MYCBP2: variants seen among roughly 807,000 people sequenced by gnomAD.
The protein encoded by MYCBP2 is MYC binding protein 2.
MYCBP2 carries 120 observed loss-of-function variants against 525.3 expected under a neutral mutation model. The ratio of observed to expected loss-of-function variants is 0.23; its 90% CI spans 0.20 to 0.27. MYCBP2 has a LOEUF of 0.27. Among genes scored for constraint, MYCBP2 ranks in the 10% least tolerant of loss-of-function variants. The pLI is 1.00. For synonymous variants in MYCBP2, 1,894 were observed against 1,955.8 expected (o/e 0.97, Z 0.83); for missense variants, 4,149 against 5,657.1 (o/e 0.73, Z 8.55).
chr13:77,266,704 T>A, intron 8 of MYCBP2, among the ~76,000 whole-genome samples: 2 of 148,030 alleles, frequency 1.4e-5, no homozygotes, highest in Admixed American at 1.3e-4. Context: ...GTCATTATTA[T>A]TATTATTATT....
chr13:77,294,107 T>TATATATATAC (rs1555465498), intron 2 of MYCBP2, among the ~76,000 whole-genome samples: 1,112 of 43,836 alleles, frequency 0.025, 37 homozygotes, highest in African/African-American at 0.052. Flanking sequence ...ATAATGGCTA[T>TATATATATAC]ATATATATAT....
intron 29 of MYCBP2, among the ~76,000 whole-genome samples, chr13:77,189,472 C>T (rs1436905798): frequency 6.6e-6 from 1 of 151,996 alleles, no homozygotes; most frequent in Non-Finnish European, 1.5e-5. Flanking sequence ...TGCATAAAAA[C>T]CAAACAAACG....
intron 52 of MYCBP2, among the ~76,000 whole-genome samples, chr13:77,135,840 T>G (rs532876613): frequency 6.6e-6 from 1 of 152,010 alleles, no homozygotes; most frequent in African/African-American, 2.4e-5. Context: ...TATCTTTTTT[T>G]TCTTTTTTTT....
chr13:77,311,666 G>A (rs1344748852), intron 1 of MYCBP2, among the ~76,000 whole-genome samples: 1 of 149,258 alleles, frequency 6.7e-6, no homozygotes, highest in Non-Finnish European at 1.5e-5. Context: ...ATAAGAAAAT[G>A]GAGATGGGAG....
chr13:77,123,647 G>A (rs1594744631), intron 54 of MYCBP2, among the ~76,000 whole-genome samples: 2 of 152,298 alleles, frequency 1.3e-5, no homozygotes, highest in East Asian at 3.9e-4. Flanking sequence ...AAGGTCACAT[G>A]AGTAAAAAGT....
At chr13:77,167,202 T>C (rs975206015) in intron 40 of MYCBP2, among the ~76,000 whole-genome samples, 1 of 152,120 alleles carries the variant, frequency 6.6e-6, no homozygotes, top group African/African-American at 2.4e-5. Context: ...TAAATCTATC[T>C]GTACATAAAC....
intron 55 of MYCBP2, among the ~76,000 whole-genome samples, chr13:77,102,513 A>T (rs184575601): frequency 2.3e-4 from 35 of 151,688 alleles, no homozygotes; most frequent in Admixed American, 1.9e-3. Context: ...TAATTAAATA[A>T]TACTTTAAGA....
intron 82 of MYCBP2, among the ~76,000 whole-genome samples, chr13:77,047,153 G>A (rs2035737960): frequency 6.6e-6 from 1 of 152,190 alleles, no homozygotes; most frequent in Non-Finnish European, 1.5e-5. Context: ...ATGGTGGTGA[G>A]AAATAAAAAT....
Position 77,156,190 on chromosome 13 carries a change from T to C in MYCBP2, c.6783A>G (p.Pro2261=). ...SGGRLARWLQ[P]DSYADPQKTS... ...TTTTCTGAGGATCCGCATATGAATC[T>C]GGCTGAAGCCACCTAACAGTAATGA... The change falls in exon 46 of 83, where the codon CCA becomes CCG. Residue 2261 remains proline, a synonymous_variant. Coordinates refer to ENST00000544440, the MANE Select transcript of MYCBP2 (RefSeq NM_015057.5). 4 of 1,613,582 alleles carry C rather than the reference T, an allele frequency of 2.5e-6. No individual in the cohort carries two copies. Among genetic ancestry groups the C allele is most frequent in the Non-Finnish European group, 3.4e-6 (4 of 1,179,664 alleles).
At chr13:77,197,356 T>C (rs2061860998) in intron 26 of MYCBP2, among the ~76,000 whole-genome samples, 1 of 152,052 alleles carries the variant, frequency 6.6e-6, no homozygotes, top group African/African-American at 2.4e-5. Flanking sequence ...GAAAGAGATA[T>C]AGGAGGCCTA....
chr13:77,112,284 T>TTATATTATATATATATAAAATA (rs1475900203), intron 55 of MYCBP2, among the ~76,000 whole-genome samples: 3 of 147,018 alleles, frequency 2.0e-5, no homozygotes, highest in Non-Finnish European at 4.5e-5. Context: ...CCCCTCTTCT[T>TTATATTATATATATATAAAATA]TATATTATAT....
intron 77 of MYCBP2, among the ~76,000 whole-genome samples, chr13:77,059,199 T>C (rs1332233579): frequency 1.3e-5 from 2 of 152,058 alleles, no homozygotes. Flanking sequence ...ATGTTGAAAA[T>C]GTATTTTAAG....
At chr13:77,079,671 G>C (rs1179300969) in intron 65 of MYCBP2, among the ~76,000 whole-genome samples, 1 of 152,166 alleles carries the variant, frequency 6.6e-6, no homozygotes, top group Non-Finnish European at 1.5e-5. Flanking sequence ...TTTGGGACTA[G>C]AAGTGTTTTG....
At chr13:77,270,868 T>C (rs2074780190) in intron 5 of MYCBP2, among the ~76,000 whole-genome samples, 1 of 152,044 alleles carries the variant, frequency 6.6e-6, no homozygotes, top group African/African-American at 2.4e-5. Flanking sequence ...GATCCATGTT[T>C]CTTATTTTAT....
chr13:77,312,999 C>A (rs1484236797), intron 1 of MYCBP2, among the ~76,000 whole-genome samples: 2 of 151,830 alleles, frequency 1.3e-5, no homozygotes, highest in African/African-American at 4.8e-5. Flanking sequence ...ATCACCAAGA[C>A]AGAACATATC....
chr13:77,283,102 C>A (rs1303018578), intron 3 of MYCBP2, among the ~76,000 whole-genome samples: 2 of 152,054 alleles, frequency 1.3e-5, no homozygotes, highest in African/African-American at 4.8e-5. Flanking sequence ...TACTGGAGTA[C>A]AAAGTTACTC....
intron 11 of MYCBP2, among the ~76,000 whole-genome samples, chr13:77,261,762 G>A (rs762373448): frequency 5.3e-5 from 8 of 151,868 alleles, no homozygotes; most frequent in East Asian, 3.9e-4. Context: ...GAGCACAGGC[G>A]GTTAGAAAAA....
intron 1 of MYCBP2, among the ~76,000 whole-genome samples, chr13:77,302,204 C>A (rs1448093681): frequency 1.3e-5 from 2 of 152,074 alleles, no homozygotes; most frequent in African/African-American, 4.8e-5. Flanking sequence ...ATTCAAGAAA[C>A]TCAGGGAACT....
At chr13:77,238,391 T>C (rs74480403) in intron 17 of MYCBP2, among the ~76,000 whole-genome samples, 6,195 of 152,176 alleles carry the variant, frequency 0.041, 171 homozygotes, top group Non-Finnish European at 0.062. Context: ...AAGCTAACAT[T>C]ATTGAAGTTT....
Sources: allele counts gnomAD v4.1 joint callset (sites outside exome capture counted in the v4.1 genomes callset), GRCh38; gene constraint gnomAD v4.1.1; transcripts MANE v1.5; gene names NCBI Gene and HGNC (gene_info 2026-07-23, HGNC 2026-07-21).